The following HSD17B12 variants were observed in gnomAD, a reference collection of about 807,000 sequenced individuals.
HSD17B12 encodes hydroxysteroid 17-beta dehydrogenase 12, also known as very-long-chain 3-oxoacyl-CoA reductase.
Under a neutral mutation model 39.3 loss-of-function variants are expected in HSD17B12, and 32 were observed. The observed-to-expected ratio is 0.81, with a 90% CI of 0.61 to 1.09. HSD17B12 has a LOEUF of 1.09. Among genes scored for constraint, HSD17B12 ranks in the 50% least tolerant of loss-of-function variants. The pLI, the probability that HSD17B12 is intolerant of heterozygous loss-of-function variation, is 0.00. For missense variants in HSD17B12, 342 were observed against 382.9 expected (o/e 0.89, Z 0.89); for synonymous variants, 150 against 146.7 (o/e 1.02, Z -0.16).
the HSD17B12 span, among the ~76,000 whole-genome samples, chr11:43,663,610 T>A: frequency 5.3e-5 from 8 of 152,294 alleles, no homozygotes; most frequent in East Asian, 1.5e-3. Flanking sequence ...CTTCAAACAT[T>A]TTAAACCATG....
At chr11:43,654,751 T>C in the HSD17B12 span, among the ~76,000 whole-genome samples, 1 of 152,118 alleles carries the variant, frequency 6.6e-6, no homozygotes, top group Non-Finnish European at 1.5e-5. Flanking sequence ...TTCCATTGGT[T>C]TATATCTCTG....
chr11:43,821,232 G>T (rs183114856), intron 6 of HSD17B12, among the ~76,000 whole-genome samples: 64 of 152,096 alleles, frequency 4.2e-4, no homozygotes, highest in Non-Finnish European at 6.9e-4. Flanking sequence ...ACTTCAATGG[G>T]CTCTCCCTTT....
the HSD17B12 span, among the ~76,000 whole-genome samples, chr11:43,672,017 G>A: frequency 6.7e-6 from 1 of 148,988 alleles, no homozygotes; most frequent in African/African-American, 2.4e-5. Flanking sequence ...TATAAAATAG[G>A]TGGCAGAGTA....
At chr11:43,644,693 T>G in the HSD17B12 span, 1 of 152,972 alleles carries the variant, frequency 6.5e-6, no homozygotes, top group African/African-American at 2.4e-5. Context: ...AAGCAAGAAC[T>G]GGAATTTTGT....
At chr11:43,756,816 A>G (rs1190138081) in intron 3 of HSD17B12, among the ~76,000 whole-genome samples, 1 of 152,226 alleles carries the variant, frequency 6.6e-6, no homozygotes, top group Non-Finnish European at 1.5e-5. Flanking sequence ...GAATTTGGTT[A>G]ACTCATGATA....
At chr11:43,601,500 C>CTTT in the HSD17B12 span, among the ~76,000 whole-genome samples, 1 of 141,456 alleles carries the variant, frequency 7.1e-6, no homozygotes, top group African/African-American at 2.6e-5. Flanking sequence ...AGTTAAAGAG[C>CTTT]TTTTTTTTTT....
intron 3 of HSD17B12, among the ~76,000 whole-genome samples, chr11:43,773,658 C>T (rs1950670839): frequency 6.6e-6 from 1 of 152,174 alleles, no homozygotes; most frequent in African/African-American, 2.4e-5. Context: ...TATAAAATTC[C>T]CACATCAGAG....
intron 1 of HSD17B12, among the ~76,000 whole-genome samples, chr11:43,683,096 T>G (rs72906875): frequency 0.48 from 68,872 of 144,858 alleles, 15,820 homozygotes; most frequent in Non-Finnish European, 0.51. Context: ...CTGGATGTGT[T>G]TTTTTTTGTT....
intron 3 of HSD17B12, among the ~76,000 whole-genome samples, chr11:43,779,472 A>G (rs1950743314): frequency 6.6e-6 from 1 of 152,208 alleles, no homozygotes; most frequent in Non-Finnish European, 1.5e-5. Context: ...TTTCTGGACC[A>G]TGATACTATG....
intron 1 of HSD17B12, among the ~76,000 whole-genome samples, chr11:43,690,801 A>G (rs1949855701): frequency 6.6e-6 from 1 of 152,114 alleles, no homozygotes; most frequent in Admixed American, 6.5e-5. Context: ...CAGTTTCCTC[A>G]TCTGTAAAAT....
chr11:43,808,813 A>G (rs1029150045), intron 4 of HSD17B12, among the ~76,000 whole-genome samples: 1 of 152,264 alleles, frequency 6.6e-6, no homozygotes, highest in African/African-American at 2.4e-5. Context: ...TCACAAATGT[A>G]TGAAAACTGT....
the HSD17B12 span, among the ~76,000 whole-genome samples, chr11:43,670,980 A>G: frequency 6.6e-6 from 1 of 152,174 alleles, no homozygotes; most frequent in African/African-American, 2.4e-5. Context: ...AGAAAAAAAA[A>G]GTGTGGGTAA....
At chr11:43,605,417 C>T in the HSD17B12 span, among the ~76,000 whole-genome samples, 4 of 151,932 alleles carry the variant, frequency 2.6e-5, no homozygotes, top group African/African-American at 4.8e-5. Flanking sequence ...CAAAATTAGC[C>T]GTGTGTGGTG....
chr11:43,675,903 G>A (rs1032577906), upstream of HSD17B12, among the ~76,000 whole-genome samples: 7 of 152,118 alleles, frequency 4.6e-5, no homozygotes, highest in African/African-American at 1.7e-4. Flanking sequence ...TTTGAGGTAA[G>A]GAGTTTGAGA....
At position 43,855,335 on chromosome 11, in the gene HSD17B12, C is replaced by A; in HGVS notation, c.*87C>A. The A allele has an allele frequency of 1.4e-6, 1 of 692,590 alleles. No individual in the cohort carries two copies. The highest frequency in any genetic ancestry group is 2.4e-6 in the Non-Finnish European group (1 of 421,834). 42.9% of individuals were successfully genotyped at this position (692,590 alleles called of 1,614,324 possible). A position where few individuals can be genotyped will look rare whatever the true frequency, so the allele number is the denominator to read the frequency against. On this transcript the variant is annotated 3_prime_UTR_variant, in exon 11 of 11. Coordinates refer to ENST00000278353, the MANE Select transcript of HSD17B12 (RefSeq NM_016142.3). The stretch of plus-strand genomic sequence containing the variant: ...CACCCTACTGGTTTTGAAAATCTGA[C>A]CTTGTCATTTCAATAGTTATTAACA...
intron 3 of HSD17B12, among the ~76,000 whole-genome samples, chr11:43,778,871 T>C (rs1950737351): frequency 1.3e-5 from 2 of 152,208 alleles, no homozygotes. Flanking sequence ...GAAAAATTAG[T>C]TTATTAAAAA....
chr11:43,696,617 A>G (rs1424381810), intron 1 of HSD17B12, among the ~76,000 whole-genome samples: 1 of 152,224 alleles, frequency 6.6e-6, no homozygotes, highest in Non-Finnish European at 1.5e-5. Context: ...GCAGTTCCTC[A>G]AGGATCTAGA....
At chr11:43,694,665 G>A (rs971609378) in intron 1 of HSD17B12, among the ~76,000 whole-genome samples, 2 of 152,100 alleles carry the variant, frequency 1.3e-5, no homozygotes, top group Admixed American at 6.6e-5. Context: ...TTCAGCCTGG[G>A]TAACAGAGCA....
chr11:43,816,804 A>G (rs916422366), intron 6 of HSD17B12, among the ~76,000 whole-genome samples: 5 of 151,834 alleles, frequency 3.3e-5, no homozygotes, highest in African/African-American at 4.8e-5. Flanking sequence ...AGTCCATTGT[A>G]TCATTCTTAT....
Sources: allele counts gnomAD v4.1 joint callset (sites outside exome capture counted in the v4.1 genomes callset), GRCh38; gene constraint gnomAD v4.1.1; transcripts MANE v1.5; gene names NCBI Gene and HGNC (gene_info 2026-07-23, HGNC 2026-07-21).